NRG1: variants seen among roughly 807,000 people sequenced by gnomAD.
NRG1 encodes the protein neuregulin 1.
In NRG1, 18 loss-of-function variants were observed where a neutral mutation model predicts 63.8. The ratio of observed to expected loss-of-function variants is 0.28; its 90% CI spans 0.19 to 0.42. The LOEUF is 0.42. Ranked by LOEUF, NRG1 falls within the 10% of genes least tolerant of loss-of-function variation. NRG1 has a pLI of 1.00. For missense variants in NRG1, 762 were observed against 814.7 expected (o/e 0.94, Z 0.79); for synonymous variants, 302 against 301.3 (o/e 1.00, Z -0.02).
intron 1 of NRG1, among the ~76,000 whole-genome samples, chr8:31,967,721 T>C (rs1245932582): frequency 6.6e-6 from 1 of 152,138 alleles, no homozygotes. Context: ...AAGGCAAGAT[T>C]ACACCCAGCC....
At chr8:32,594,800 G>A (rs1462583651) in intron 1 of NRG1, among the ~76,000 whole-genome samples, 1 of 152,330 alleles carries the variant, frequency 6.6e-6, no homozygotes, top group South Asian at 2.1e-4. Context: ...CAATCAAAGA[G>A]AGAATTTGTT....
At chr8:32,045,346 G>T (rs1378407939) in intron 1 of NRG1, among the ~76,000 whole-genome samples, 32 of 151,746 alleles carry the variant, frequency 2.1e-4, no homozygotes, top group Non-Finnish European at 1.5e-5. Context: ...TAAATGAATG[G>T]AGACATGTAC....
At chr8:32,749,800 T>G (rs1250170720) in intron 7 of NRG1, 2 of 588,962 alleles carry the variant, frequency 3.4e-6, no homozygotes, top group African/African-American at 3.8e-5. Flanking sequence ...CTAAGCATCC[T>G]TCACTTAGAG....
chr8:31,954,716 G>A (rs1262408379), intron 1 of NRG1, among the ~76,000 whole-genome samples: 1 of 152,122 alleles, frequency 6.6e-6, no homozygotes, highest in African/African-American at 2.4e-5. Flanking sequence ...TGTGAAAATG[G>A]AATGAGTACT....
chr8:31,850,921 G>A (rs145249088), intron 1 of NRG1, among the ~76,000 whole-genome samples: 2 of 152,166 alleles, frequency 1.3e-5, no homozygotes, highest in Non-Finnish European at 2.9e-5. Context: ...GATTAGTGCT[G>A]CTTATTTTCT....
chr8:32,446,773 T>C (rs1180703626), intron 1 of NRG1, among the ~76,000 whole-genome samples: 3 of 152,124 alleles, frequency 2.0e-5, no homozygotes, highest in East Asian at 3.9e-4. Flanking sequence ...TTGTATTTCT[T>C]CTTGGGTTAC....
intron 5 of NRG1, among the ~76,000 whole-genome samples, chr8:32,719,695 C>T (rs180815544): frequency 5.3e-5 from 8 of 152,050 alleles, no homozygotes; most frequent in South Asian, 2.1e-4. Context: ...TGTTGATATT[C>T]GAATTTTTCT....
chr8:32,668,668 TA>T (rs1239097165), intron 5 of NRG1, among the ~76,000 whole-genome samples: 1 of 152,232 alleles, frequency 6.6e-6, no homozygotes, highest in Non-Finnish European at 1.5e-5. Context: ...GTTTGATTTT[TA>T]GTTTCCAGGG....
At chr8:32,504,625 C>A (rs1776043940) in intron 1 of NRG1, among the ~76,000 whole-genome samples, 1 of 151,860 alleles carries the variant, frequency 6.6e-6, no homozygotes, top group Admixed American at 6.5e-5. Context: ...AAGACAGAAA[C>A]AGATAGAGAT....
At chr8:32,046,853 G>A (rs1171847735) in intron 1 of NRG1, among the ~76,000 whole-genome samples, 1 of 151,938 alleles carries the variant, frequency 6.6e-6, no homozygotes, top group East Asian at 1.9e-4. Flanking sequence ...GATTCTCATG[G>A]TGATTATATA....
chr8:32,536,197 G>A (rs932774113), intron 1 of NRG1, among the ~76,000 whole-genome samples: 10 of 152,100 alleles, frequency 6.6e-5, no homozygotes, highest in African/African-American at 2.2e-4. Flanking sequence ...GGTGTTGACC[G>A]GGCCGTCTCC....
At chr8:32,493,492 G>T (rs1337031685) in intron 1 of NRG1, among the ~76,000 whole-genome samples, 2 of 152,092 alleles carry the variant, frequency 1.3e-5, no homozygotes, top group East Asian at 3.9e-4. Context: ...TTAGAAAGGA[G>T]GATTACCTCT....
intron 5 of NRG1, among the ~76,000 whole-genome samples, chr8:32,709,646 C>CCT (rs1408879729): frequency 6.6e-6 from 1 of 151,994 alleles, no homozygotes; most frequent in Non-Finnish European, 1.5e-5. Context: ...GTCTCGAACT[C>CCT]CTAGGCTCAA....
At chr8:32,528,154 T>A (rs992853580) in intron 1 of NRG1, among the ~76,000 whole-genome samples, 1 of 152,256 alleles carries the variant, frequency 6.6e-6, no homozygotes. Context: ...CCTTCCTTGA[T>A]CACTCTGTGT....
In NRG1 at chr8:32,568,111, T is replaced by C. The variant is rs1200441660; in HGVS notation, c.100+19285T>C. On this transcript the variant is annotated intron_variant, in intron 1 of 11. Transcript: ENST00000356819. ...GCCTAAGTATTATTAAAGCAGAAAA[T>C]AATATGGTTAGGATATGAATGGGAG... is the stretch of plus-strand genomic sequence containing the variant. Among the ~76,000 whole-genome samples, 8 of 152,300 alleles carry C rather than the reference T, an allele frequency of 5.3e-5. No homozygotes were observed. In the East Asian group the frequency reaches 1.5e-3, roughly 29 times the overall value.
intron 1 of NRG1, among the ~76,000 whole-genome samples, chr8:32,489,474 C>T (rs1826289906): frequency 6.6e-6 from 1 of 152,132 alleles, no homozygotes; most frequent in Non-Finnish European, 1.5e-5. Flanking sequence ...CTGTTCATCA[C>T]TTGATGGTGG....
At chr8:32,161,003 T>G (rs1037398312) in intron 1 of NRG1, among the ~76,000 whole-genome samples, 5 of 152,168 alleles carry the variant, frequency 3.3e-5, no homozygotes, top group Non-Finnish European at 5.9e-5. Context: ...TCCTGAAAAT[T>G]GATCATATAT....
intron 1 of NRG1, among the ~76,000 whole-genome samples, chr8:32,488,664 G>A (rs1224844225): frequency 6.6e-6 from 1 of 152,116 alleles, no homozygotes; most frequent in African/African-American, 2.4e-5. Flanking sequence ...GGTGGCAACT[G>A]CTTGTAGTCT....
exon 11 of NRG1, chr8:32,760,344 C>T: frequency 6.2e-7 from 1 of 1,614,044 alleles, no homozygotes; most frequent in Non-Finnish European, 8.5e-7. Flanking sequence ...GTGAATGTAA[C>T]AGCTTCCTCA....
Sources: gnomAD v4.1 joint callset for allele counts (sites outside exome capture counted in the v4.1 genomes callset) on GRCh38, gnomAD v4.1.1 for gene constraint, MANE v1.5 for transcripts, NCBI Gene and HGNC (gene_info 2026-07-23, HGNC 2026-07-21) for gene names.